The following MS4A5 variants were observed in gnomAD, a reference collection of about 807,000 sequenced individuals.
The protein encoded by MS4A5 is membrane spanning 4-domains A5, also known as membrane-spanning 4-domains subfamily A member 5.
Under a neutral mutation model 18.2 loss-of-function variants are expected in MS4A5, and 15 were observed. The ratio of observed to expected loss-of-function variants is 0.83; its 90% CI spans 0.55 to 1.27. MS4A5 has a LOEUF of 1.27. Ranked by LOEUF, MS4A5 falls within the 50% of genes most tolerant of loss-of-function variation. The pLI is 0.00. For synonymous variants in MS4A5, 89 were observed against 78.7 expected (o/e 1.13, Z -0.69); for missense variants, 232 against 225.7 (o/e 1.03, Z -0.18).
At chr11:60,447,076 CCTATGCTATGCTAG>C (rs1212268972) in intron 4 of MS4A5, among the ~76,000 whole-genome samples, 1 of 148,746 alleles carries the variant, frequency 6.7e-6, no homozygotes. Flanking sequence ...GCTATGCTAT[CCTATGCTATGCTAG>C]CTATGCTATG....
chr11:60,446,955 A>G (rs573980535), intron 4 of MS4A5, among the ~76,000 whole-genome samples: 50 of 152,232 alleles, frequency 3.3e-4, no homozygotes, highest in African/African-American at 1.1e-3. Flanking sequence ...ATGCATTTAT[A>G]AAATGGACTA....
At chr11:60,434,601 A>G (rs1309506010) in intron 4 of MS4A5, among the ~76,000 whole-genome samples, 1 of 152,224 alleles carries the variant, frequency 6.6e-6, no homozygotes, top group Non-Finnish European at 1.5e-5. Context: ...ATGGTTAAGT[A>G]TGGCTATGTG....
intron 4 of MS4A5, among the ~76,000 whole-genome samples, chr11:60,441,468 G>GAAAAAGGCCAAAAAAAAAAAAAAAGA (rs2086111989): frequency 9.7e-6 from 1 of 103,454 alleles, no homozygotes; most frequent in Non-Finnish European, 2.0e-5. Context: ...AAAAAAAAAA[G>GAAAAAGGCCAAAAAAAAAAAAAAAGA]AAAAAAAAAG....
At chr11:60,429,947 A>C (rs2086039504) in intron 1 of MS4A5, 120 bp downstream of exon 1, 2 of 965,976 alleles carry the variant, frequency 2.1e-6, no homozygotes, top group Non-Finnish European at 3.0e-6. Flanking sequence ...GACAATGTGA[A>C]TATAGAGTGT....
chr11:60,434,320 G>C (rs1032863570), intron 4 of MS4A5, among the ~76,000 whole-genome samples: 5 of 152,116 alleles, frequency 3.3e-5, no homozygotes, highest in African/African-American at 1.2e-4. Flanking sequence ...GATTGAAAAG[G>C]GGCATTTATT....
At position 60,429,833 on chromosome 11, in the gene MS4A5, T is replaced by A. The variant is rs2086038832; in HGVS notation, c.153+6T>A. Reference sequence around the variant, plus strand: ...GAAAAATGAAAATCTTAGGGGTAAGTAAGACTTGCCCCTATGTATATTTTA... The same window carrying A: ...GAAAAATGAAAATCTTAGGGGTAAGAAAGACTTGCCCCTATGTATATTTTA... On this transcript the variant is annotated splice_donor_region_variant and intron_variant, in intron 1 of 4. Coordinates refer to ENST00000300190, the MANE Select transcript of MS4A5 (RefSeq NM_023945.3). 2 of 1,612,110 alleles carry A rather than the reference T, an allele frequency of 1.2e-6. No homozygotes were observed. The highest frequency in any genetic ancestry group is 2.7e-5 in the African/African-American group (2 of 74,840).
Position 60,435,480 on chromosome 11 carries a change from C to T in MS4A5, c.492+1563C>T, listed in dbSNP as rs147866176. 267 of 409,920 alleles carry T rather than the reference C, an allele frequency of 6.5e-4. 1 individual carries two copies. Among genetic ancestry groups the T allele is most frequent in the African/African-American group, 4.3e-3 (202 of 47,478 alleles). The allele number at this position is 409,920 out of a possible 1,614,324, so 25.4% of individuals were successfully genotyped here. ...GGTCTACAGCTCCCAGCGTGAGAGA[C>T]GCAGAAGACGGGTGATTTCTGCATT... On this transcript the variant is annotated intron_variant, in intron 4 of 4. Coordinates refer to ENST00000300190, the MANE Select transcript of MS4A5 (RefSeq NM_023945.3).
chr11:60,446,227 G>C (rs1398762901), intron 4 of MS4A5, among the ~76,000 whole-genome samples: 2 of 152,172 alleles, frequency 1.3e-5, no homozygotes, highest in African/African-American at 4.8e-5. Flanking sequence ...TCAATCTATA[G>C]TTAAAATATA....
At chr11:60,446,107 A>T (rs563007855) in intron 4 of MS4A5, among the ~76,000 whole-genome samples, 9 of 152,238 alleles carry the variant, frequency 5.9e-5, no homozygotes, top group African/African-American at 2.2e-4. Flanking sequence ...AACACAGAAA[A>T]AAAGAGGAAA....
intron 4 of MS4A5, among the ~76,000 whole-genome samples, chr11:60,435,726 G>A (rs1245937868): frequency 6.6e-6 from 1 of 152,130 alleles, no homozygotes; most frequent in Non-Finnish European, 1.5e-5. Flanking sequence ...TTTCCGACGG[G>A]CTTAAAAAAC....
Position 60,429,577 on chromosome 11 carries a change from A to G in MS4A5, c.-98A>G. On this transcript the variant is annotated 5_prime_UTR_variant, in exon 1 of 5. Transcript: ENST00000300190. ...CTATAATTCCAAGACAAAGCAAACA[A>G]TTCCAGTGCTCCAGGCAGCCTCAGC... 1 of 1,189,898 alleles carries G rather than the reference A, an allele frequency of 8.4e-7. No individual in the cohort carries two copies. Among genetic ancestry groups the G allele is most frequent in the South Asian group, 1.5e-5 (1 of 66,500 alleles). The allele number at this position is 1,189,898 out of a possible 1,614,324, so 73.7% of individuals were successfully genotyped here.
rs771556027 is a variant in MS4A5, at chr11:60,429,695, C to T, written c.21C>T (p.His7=). The change falls in exon 1 of 5, where the codon CAC becomes CAT. Residue 7 remains histidine, a synonymous_variant. Transcript: ENST00000300190. ...CCATCATGGATTCAAGCACCGCACA[C>T]AGTCCGGTGTTTCTGGTATTTCCTC... The part of the protein sequence containing the change: MDSSTA[H]SPVFLVFPPE... The T allele has an allele frequency of 1.9e-6, 3 of 1,613,112 alleles. No individual in the cohort carries two copies. The highest frequency in any genetic ancestry group is 2.2e-5 in the South Asian group (2 of 90,838).
rs79138586 is a variant in MS4A5 at position 60,433,440 on chromosome 11, T to G, written c.340-325T>G. 9.7e-4 allele frequency among the ~76,000 whole-genome samples: 148 copies of G among 152,268 alleles called. 2 individuals carry two copies. The East Asian group carries it at 0.027, about 28-fold the overall frequency. On this transcript the variant is annotated intron_variant, in intron 3 of 4. Coordinates refer to ENST00000300190, the MANE Select transcript of MS4A5 (RefSeq NM_023945.3). ...TCAGTTAAACTTAGGAGTCTTAAAA[T>G]AAAAATGTAAACAGACCATGACTTT...
intron 4 of MS4A5, among the ~76,000 whole-genome samples, chr11:60,439,863 C>T (rs377234192): frequency 2.8e-5 from 2 of 71,518 alleles, no homozygotes; most frequent in African/African-American, 4.9e-5. Context: ...AGGTAATTTA[C>T]AGATTCAATG....
intron 4 of MS4A5, among the ~76,000 whole-genome samples, chr11:60,437,967 T>C (rs1565187888): frequency 6.6e-6 from 1 of 152,070 alleles, no homozygotes; most frequent in African/African-American, 2.4e-5. Context: ...CAACAGAATA[T>C]ACATTTTTTT....
intron 4 of MS4A5, among the ~76,000 whole-genome samples, chr11:60,441,682 A>G (rs779604720): frequency 3.3e-5 from 5 of 151,554 alleles, no homozygotes; most frequent in Non-Finnish European, 7.4e-5. Flanking sequence ...TATAAAATAA[A>G]AGAAAGTGAA....
At chr11:60,430,947 A>G in intron 2 of MS4A5, 23 bp downstream of exon 2, 1 of 1,597,952 alleles carries the variant, frequency 6.3e-7, no homozygotes, top group Non-Finnish European at 8.5e-7. Flanking sequence ...AATCAAGTTC[A>G]ATTTGAAGCC....
intron 4 of MS4A5, chr11:60,435,597 G>A (rs1030062767): frequency 1.8e-5 from 5 of 283,262 alleles, no homozygotes; most frequent in African/African-American, 4.6e-5. Flanking sequence ...GCCGAAGCAG[G>A]GCGAGGCATT....
At chr11:60,435,517 T>C (rs1201250921) in intron 4 of MS4A5, 24 of 388,638 alleles carry the variant, frequency 6.2e-5, no homozygotes, top group South Asian at 4.4e-4. Flanking sequence ...CCATCTGAGG[T>C]ACCCGGTTCA....
Sources: allele counts gnomAD v4.1 joint callset (sites outside exome capture counted in the v4.1 genomes callset), GRCh38; gene constraint gnomAD v4.1.1; transcripts MANE v1.5; gene names NCBI Gene and HGNC (gene_info 2026-07-23, HGNC 2026-07-21).